ZNF665: variants seen among roughly 807,000 people sequenced by gnomAD.
The protein encoded by ZNF665 is zinc finger protein 665.
A neutral mutation model predicts 7.9 loss-of-function variants in ZNF665; 6 were observed. The observed-to-expected ratio is 0.76, with a 90% CI of 0.42 to 1.50. ZNF665 has a LOEUF of 1.50. ZNF665 is among the 40% of genes most tolerant of loss of function. The probability of loss-of-function intolerance (pLI) is 0.01; values close to 1 mark genes in which losing one functional copy is unlikely to be tolerated. For missense variants in ZNF665, 819 were observed against 806.7 expected (o/e 1.02, Z -0.18); for synonymous variants, 242 against 274.5 (o/e 0.88, Z 1.17).
chr19:53,191,535 AC>A (rs753644071), intron 1 of ZNF665, among the ~76,000 whole-genome samples: 2 of 152,224 alleles, frequency 1.3e-5, no homozygotes, highest in African/African-American at 2.4e-5. Context: ...CAAAATATAT[AC>A]ATATAAAATT....
In ZNF665 at chr19:53,165,276, T is replaced by C; in HGVS notation, c.1214A>G (p.Asn405Ser). ...IHTGEKPFKC[N>S]ECVKVFTQYS... ...CTGAGTGAAAACCTTGACGCATTCA[T>C]TACATTTGAAAGGCTTTTCTCCGGT... is the stretch of plus-strand genomic sequence containing the variant. Residue 405 changes from asparagine (N) to serine (S), a missense_variant, in exon 4 of 4, where the codon AAT (asparagine) becomes AGT (serine). Asn to Ser is a conservative substitution (Grantham distance 46, BLOSUM62 1). Coordinates refer to ENST00000396424, the MANE Select transcript of ZNF665 (RefSeq NM_024733.5). 6.2e-7 allele frequency: 1 copy of C among 1,613,250 alleles called. No individual in the cohort carries two copies. The highest frequency in any genetic ancestry group is 8.5e-7 in the Non-Finnish European group (1 of 1,179,502).
intron 1 of ZNF665, among the ~76,000 whole-genome samples, chr19:53,192,870 G>A (rs1292831625): frequency 1.3e-5 from 2 of 152,072 alleles, no homozygotes; most frequent in Non-Finnish European, 2.9e-5. Flanking sequence ...GAGGGAGGTG[G>A]GGGGCGACGG....
chr19:53,192,401 C>A (rs1025282153), intron 1 of ZNF665, among the ~76,000 whole-genome samples: 2 of 152,124 alleles, frequency 1.3e-5, no homozygotes, highest in African/African-American at 4.8e-5. Context: ...ACCCCCTCCT[C>A]TCCCTAACTC....
chr19:53,185,197 A>ACCCG, intron 1 of ZNF665, among the ~76,000 whole-genome samples: 1 of 150,544 alleles, frequency 6.6e-6, no homozygotes, highest in South Asian at 2.2e-4. Flanking sequence ...GGAAAGGGAG[A>ACCCG]CTCCCTTCCC....
In ZNF665 at chr19:53,169,576, T is replaced by C. The variant is rs942974613; in HGVS notation, c.143-3229A>G. Among the ~76,000 whole-genome samples, 34 of 152,174 alleles carry C rather than the reference T, an allele frequency of 2.2e-4. 1 individual carries two copies. The East Asian group carries it at 4.8e-3, about 22-fold the overall frequency. On this transcript the variant is annotated intron_variant, in intron 3 of 3. Coordinates refer to ENST00000396424, the MANE Select transcript of ZNF665 (RefSeq NM_024733.5). Reference sequence around the variant, plus strand: ...CTTTAAGTTTTAGGGTACATGTGCATAATGTGCAGGTTAGTTACATATGTA... The same window carrying C: ...CTTTAAGTTTTAGGGTACATGTGCACAATGTGCAGGTTAGTTACATATGTA...
Position 53,165,010 on chromosome 19 carries a change from C to T in ZNF665, c.1480G>A (p.Ala494Thr). Residue 494 changes from alanine to threonine, a missense_variant, in exon 4 of 4, where the codon GCC (alanine) becomes ACC (threonine). Transcript: ENST00000396424. ...KPYKCDECGK[A>T]FSQTSQLARH... ...GCAAGTTGTGATGTTTGACTGAAGG[C>T]TTTACCACATTCATCACACTTGTAA... The T allele has an allele frequency of 1.2e-6, 2 of 1,613,964 alleles. No homozygotes were observed. Among genetic ancestry groups the T allele is most frequent in the Non-Finnish European group, 1.7e-6 (2 of 1,179,978 alleles).
chr19:53,171,512 A>G (rs1456317744), intron 3 of ZNF665, among the ~76,000 whole-genome samples: 3 of 77,976 alleles, frequency 3.8e-5, no homozygotes, highest in East Asian at 3.6e-4. Context: ...GTGTATATAT[A>G]TATATATATA....
chr19:53,183,065 A>C, intron 1 of ZNF665, 122 bp from the exon 2 acceptor site: 1 of 1,078,022 alleles, frequency 9.3e-7, no homozygotes, highest in Non-Finnish European at 1.4e-6. Context: ...AAGACCTTAT[A>C]CACAGGGAAG....
Position 53,164,706 on chromosome 19 carries a change from T to C in ZNF665, c.1784A>G (p.Glu595Gly). 1.2e-6 allele frequency: 2 copies of C among 1,614,080 alleles called. No homozygotes were observed. The highest frequency in any genetic ancestry group is 1.7e-6 in the Non-Finnish European group (2 of 1,179,952). The change falls in exon 4 of 4, where the codon GAA (glutamate) becomes GGA (glycine). Residue 595 changes from glutamate to glycine, a missense_variant. By Grantham distance (98) the Glu-to-Gly change is moderately conservative. Coordinates refer to ENST00000396424, the MANE Select transcript of ZNF665 (RefSeq NM_024733.5). ...ACATTCATTACATTTGTAAGGTTTTTCTCCAGTATGGATGACCTGATGGGT... is the reference window on the plus strand; with the variant it reads ...ACATTCATTACATTTGTAAGGTTTTCCTCCAGTATGGATGACCTGATGGGT... Reference protein sequence around the residue: ...LATHQVIHTGEKPYKCNECGK... With the variant: ...LATHQVIHTGGKPYKCNECGK...
At chr19:53,175,309 G>T in intron 3 of ZNF665, 136 bp downstream of exon 3, 1 of 1,118,558 alleles carries the variant, frequency 8.9e-7, no homozygotes, top group Non-Finnish European at 1.3e-6. Context: ...GATCCTGCAT[G>T]ATTAGGCTTT....
intron 2 of ZNF665, among the ~76,000 whole-genome samples, chr19:53,180,216 T>C (rs1043338604): frequency 6.6e-6 from 1 of 152,136 alleles, no homozygotes; most frequent in Non-Finnish European, 1.5e-5. Context: ...ATGGATCACC[T>C]GAGGTCAGGA....
At chr19:53,173,825 G>T (rs771639870) in intron 3 of ZNF665, among the ~76,000 whole-genome samples, 2 of 152,136 alleles carry the variant, frequency 1.3e-5, no homozygotes, top group African/African-American at 4.8e-5. Context: ...CCATGCTCAA[G>T]TGTGAAAAAA....
At chr19:53,175,416 C>T (rs768541502) in intron 3 of ZNF665, 29 bp downstream of exon 3, 13 of 1,599,598 alleles carry the variant, frequency 8.1e-6, no homozygotes, top group African/African-American at 5.4e-5. Flanking sequence ...GAGAACAGAC[C>T]CTGACTTCTA....
At chr19:53,175,159 C>A (rs2090687438) in intron 3 of ZNF665, among the ~76,000 whole-genome samples, 1 of 152,040 alleles carries the variant, frequency 6.6e-6, no homozygotes, top group African/African-American at 2.4e-5. Flanking sequence ...CTTCCATGAA[C>A]CACTCAATCA....
chr19:53,164,786 T>C lies in ZNF665; in HGVS notation c.1704A>G (p.Lys568=), dbSNP rs2090593053. The change falls in exon 4 of 4, where the codon AAA becomes AAG. Residue 568 remains lysine, a synonymous_variant. Coordinates refer to ENST00000396424, the MANE Select transcript of ZNF665 (RefSeq NM_024733.5). ...AIHQRIHTGE[K]PYKCNECGKA... Reference sequence around the variant, plus strand: ...TGCCGCACTCATTACACTTATAAGGTTTCTCACCAGTGTGAATTCTCTGAT... The same window carrying C: ...TGCCGCACTCATTACACTTATAAGGCTTCTCACCAGTGTGAATTCTCTGAT... 6.2e-7 allele frequency: 1 copy of C among 1,614,082 alleles called. No individual in the cohort carries two copies. The highest frequency in any genetic ancestry group is 1.1e-5 in the South Asian group (1 of 91,088).
At chr19:53,178,109 C>T (rs1239961754) in intron 2 of ZNF665, among the ~76,000 whole-genome samples, 1 of 152,152 alleles carries the variant, frequency 6.6e-6, no homozygotes, top group African/African-American at 2.4e-5. Flanking sequence ...TCAAGAAGAG[C>T]CTTCAGAGTT....
At chr19:53,167,948 C>T (rs1293306594) in intron 3 of ZNF665, among the ~76,000 whole-genome samples, 3 of 145,010 alleles carry the variant, frequency 2.1e-5, no homozygotes, top group African/African-American at 7.5e-5. Flanking sequence ...CCCAGCTACT[C>T]GGGAGGCTGA....
At chr19:53,168,055 C>CAAAAAAAAAA (rs57521729) in intron 3 of ZNF665, among the ~76,000 whole-genome samples, 13 of 66,402 alleles carry the variant, frequency 2.0e-4, no homozygotes, top group African/African-American at 5.5e-4. Context: ...GACTCCCTCT[C>CAAAAAAAAAA]AAAAAAAAAA....
At chr19:53,184,229 G>A (rs544058137) in intron 1 of ZNF665, among the ~76,000 whole-genome samples, 148 of 152,128 alleles carry the variant, frequency 9.7e-4, no homozygotes, top group African/African-American at 2.9e-3. Context: ...CAGCATGGGC[G>A]ACAGAGCGAG....
Sources: gnomAD v4.1 joint callset for allele counts (sites outside exome capture counted in the v4.1 genomes callset) on GRCh38, gnomAD v4.1.1 for gene constraint, MANE v1.5 for transcripts, NCBI Gene and HGNC (gene_info 2026-07-23, HGNC 2026-07-21) for gene names.